The following PLSCR2 variants were observed in gnomAD, a reference collection of about 807,000 sequenced individuals.
PLSCR2 encodes phospholipid scramblase 2.
Under a neutral mutation model 25.3 loss-of-function variants are expected in PLSCR2, and 18 were observed. The ratio of observed to expected loss-of-function variants is 0.71; its 90% CI spans 0.49 to 1.06. PLSCR2 has a LOEUF of 1.06. PLSCR2 is among the 50% of genes least tolerant of loss of function. PLSCR2 has a pLI of 0.00. For missense variants in PLSCR2, 243 were observed against 269.5 expected (o/e 0.90, Z 0.69); for synonymous variants, 88 against 87.3 (o/e 1.01, Z -0.04).
At chr3:146,418,374 A>G (rs2039050200) in intron 2 of PLSCR2, among the ~76,000 whole-genome samples, 1 of 152,150 alleles carries the variant, frequency 6.6e-6, no homozygotes, top group Non-Finnish European at 1.5e-5. Flanking sequence ...TCACCATGTA[A>G]ATCTTGCATC....
At chr3:146,461,715 G>C (rs2041584614), upstream of PLSCR2, 1 of 611,622 alleles carries the variant, frequency 1.6e-6, no homozygotes, top group Non-Finnish European at 2.9e-6. Context: ...TCGTGAGAGA[G>C]GAGAGTCATA....
chr3:146,458,370 C>G (rs149518883), intron 3 of PLSCR2, 41 bp downstream of exon 3: 1 of 1,450,316 alleles, frequency 6.9e-7, no homozygotes, highest in East Asian at 2.5e-5. Flanking sequence ...GCATAAACTT[C>G]TTCTCTTTTT....
At chr3:146,440,539 C>T (rs1342504973), downstream of PLSCR2, among the ~76,000 whole-genome samples, 3 of 152,298 alleles carry the variant, frequency 2.0e-5, no homozygotes, top group South Asian at 2.1e-4. Flanking sequence ...GTGCTAGCAG[C>T]GAGCGAGGCT....
At chr3:146,431,039 T>A (rs77254408), downstream of PLSCR2, among the ~76,000 whole-genome samples, 1,304 of 152,200 alleles carry the variant, frequency 8.6e-3, 44 homozygotes, top group East Asian at 0.11. Context: ...CTCCTGGGTG[T>A]TAGGCCCTCA....
At chr3:146,415,997 T>C (rs2038995632) in intron 2 of PLSCR2, among the ~76,000 whole-genome samples, 2 of 152,090 alleles carry the variant, frequency 1.3e-5, no homozygotes, top group Admixed American at 6.5e-5. Flanking sequence ...GTCACCCAGG[T>C]TGGAGTGCAG....
intron 1 of PLSCR2, among the ~76,000 whole-genome samples, chr3:146,479,836 G>A (rs543055432): frequency 6.6e-6 from 1 of 152,146 alleles, no homozygotes; most frequent in African/African-American, 2.4e-5. Flanking sequence ...ATAATTGGAA[G>A]TAAAGCACTC....
intron 1 of PLSCR2, among the ~76,000 whole-genome samples, chr3:146,495,282 G>A (rs1262234763): frequency 6.6e-6 from 1 of 152,120 alleles, no homozygotes; most frequent in African/African-American, 2.4e-5. Context: ...CTGAGTGGAA[G>A]CTCAGAGATT....
intron 1 of PLSCR2, among the ~76,000 whole-genome samples, chr3:146,470,373 C>A (rs1459430151): frequency 6.6e-6 from 1 of 151,978 alleles, no homozygotes; most frequent in East Asian, 1.9e-4. Flanking sequence ...GGTGAAACCC[C>A]GTCTCTACTA....
At chr3:146,476,971 C>T (rs1427058569) in intron 1 of PLSCR2, among the ~76,000 whole-genome samples, 1 of 152,202 alleles carries the variant, frequency 6.6e-6, no homozygotes, top group Admixed American at 6.5e-5. Flanking sequence ...GTGGGATTCC[C>T]CTAAGAACAG....
upstream of PLSCR2, among the ~76,000 whole-genome samples, chr3:146,465,091 GCCTGCATAATAAAGAAGTT>G (rs1205560745): frequency 1.3e-5 from 2 of 152,112 alleles, no homozygotes; most frequent in African/African-American, 4.8e-5. Flanking sequence ...GCCAGTTTTA[GCCTGCATAATAAAGAAGTT>G]CCCACTACTT....
intron 3 of PLSCR2, among the ~76,000 whole-genome samples, chr3:146,457,239 TTATTA>T (rs1432745348): frequency 1.3e-5 from 2 of 152,192 alleles, no homozygotes; most frequent in African/African-American, 4.8e-5. Flanking sequence ...AAAAATGAAT[TTATTA>T]TAACAGATAT....
upstream of PLSCR2, among the ~76,000 whole-genome samples, chr3:146,462,640 AT>A (rs756613031): frequency 9.1e-4 from 137 of 149,906 alleles, 1 homozygote; most frequent in East Asian, 0.014. Context: ...TAATTTTTGT[AT>A]TTTTTAGTAG....
At chr3:146,393,380 G>A (rs2038162755) in intron 3 of PLSCR2, among the ~76,000 whole-genome samples, 1 of 151,778 alleles carries the variant, frequency 6.6e-6, no homozygotes, top group South Asian at 2.1e-4. Flanking sequence ...CTCTAATTGA[G>A]TGTTGTTTGC....
At chr3:146,495,757 T>C (rs142135944) in intron 1 of PLSCR2, 1 of 628,062 alleles carries the variant, frequency 1.6e-6, no homozygotes, top group African/African-American at 1.8e-5. Context: ...CTGTTTAAGA[T>C]ACCTAGTATG....
chr3:146,434,534 AT>A (rs1576615432), intron 8 of PLSCR2, among the ~76,000 whole-genome samples: 1 of 152,002 alleles, frequency 6.6e-6, no homozygotes, highest in Non-Finnish European at 1.5e-5. Flanking sequence ...CTATGTACTT[AT>A]GTAGACTTTT....
downstream of PLSCR2, among the ~76,000 whole-genome samples, chr3:146,438,014 C>T (rs1373480210): frequency 1.3e-5 from 2 of 152,124 alleles, no homozygotes; most frequent in African/African-American, 2.4e-5. Context: ...TTTATTTCTG[C>T]CTTCATTTCG....
intron 3 of PLSCR2, among the ~76,000 whole-genome samples, chr3:146,392,896 T>C (rs1425622862): frequency 6.6e-6 from 1 of 151,466 alleles, no homozygotes; most frequent in Non-Finnish European, 1.5e-5. Context: ...TAATTTAGCT[T>C]ATTAATTTTT....
chr3:146,454,212 T>C, intron 4 of PLSCR2, 49 bp from the exon 5 acceptor site: 1 of 1,263,992 alleles, frequency 7.9e-7, no homozygotes, highest in Non-Finnish European at 1.1e-6. Context: ...ATAATAAAAA[T>C]ATCTAATAAT....
intron 1 of PLSCR2, among the ~76,000 whole-genome samples, chr3:146,486,338 A>G (rs2043339605): frequency 2.0e-5 from 3 of 151,906 alleles, no homozygotes; most frequent in Non-Finnish European, 2.9e-5. Flanking sequence ...TGAAGGAGAC[A>G]GAGACATGAA....
Sources: gnomAD v4.1 joint callset for allele counts (sites outside exome capture counted in the v4.1 genomes callset) on GRCh38, gnomAD v4.1.1 for gene constraint, MANE v1.5 for transcripts, NCBI Gene and HGNC (gene_info 2026-07-23, HGNC 2026-07-21) for gene names.